MUCL3: variants seen among roughly 807,000 people sequenced by gnomAD.
MUCL3 encodes mucin-like protein 3.
In MUCL3, 42 loss-of-function variants were observed where a neutral mutation model predicts 70.2. The ratio of observed to expected loss-of-function variants is 0.60; its 90% CI spans 0.47 to 0.77. The LOEUF (loss-of-function observed/expected upper bound fraction) is 0.77, where lower values mean the gene tolerates loss of function less well. MUCL3 is among the 30% of genes least tolerant of loss of function. MUCL3 has a pLI of 0.00. For missense variants in MUCL3, 1,429 were observed against 1,670.0 expected (o/e 0.86, Z 2.52); for synonymous variants, 522 against 647.0 (o/e 0.81, Z 2.93).
Position 30,950,173 on chromosome 6 carries a change from A to C in MUCL3, c.1709A>C (p.Asn570Thr). 6.4e-7 allele frequency: 1 copy of C among 1,550,570 alleles called. No homozygotes were observed. The highest frequency in any genetic ancestry group is 8.7e-7 in the Non-Finnish European group (1 of 1,146,856). ...AATGGAGACAGGACTCCTTTGGCCA[A>C]TGAGAAGACCACGCCATCTCTAGCA... ...TENGDRTPLA[N>T]EKTTPSLAEP... Residue 570 changes from asparagine (N) to threonine (T), a missense_variant, in exon 2 of 3, where the codon AAT (asparagine) becomes ACT (threonine). Coordinates refer to ENST00000462446, the MANE Select transcript of MUCL3 (RefSeq NM_080870.4).
rs188928476 is a variant in MUCL3, at chr6:30,951,676, T to C, written c.3212T>C (p.Leu1071Ser). 17 of 1,550,836 alleles carry C rather than the reference T, an allele frequency of 1.1e-5. No homozygotes were observed. Among genetic ancestry groups the C allele is most frequent in the Non-Finnish European group, 1.4e-5 (16 of 1,146,800 alleles). ...ACAGAACATGGAGAAAAGACTACAT[T>C]GGCCAATGAGAAGATCACACTATCC... ...KPTEHGEKTT[L>S]ANEKITLSPE... is the part of the protein sequence containing the mutation. The change falls in exon 2 of 3, where the codon TTG (leucine) becomes TCG (serine). Residue 1071 changes from leucine to serine, a missense_variant. By Grantham distance (145) the Leu-to-Ser change is moderately radical. Transcript: ENST00000462446.
At chr6:30,944,282 CTCTCTT>C (rs1795700910) in intron 1 of MUCL3, among the ~76,000 whole-genome samples, 1 of 145,860 alleles carries the variant, frequency 6.9e-6, no homozygotes, top group Non-Finnish European at 1.5e-5. Flanking sequence ...CTTTCTCTGT[CTCTCTT>C]TCTTTCTTCT....
rs986884813 is a variant in MUCL3 at position 30,951,589 on chromosome 6, C to T, written c.3125C>T (p.Thr1042Ile). The change falls in exon 2 of 3, where the codon ACA becomes ATA. Residue 1042 changes from threonine (T) to isoleucine (I), a missense_variant. Thr to Ile is a moderately conservative substitution (Grantham distance 89). Transcript: ENST00000462446. ...ACCATACCATCTCCAGCAAAGCCTA[C>T]AGAACACGAAGAAATGACCCCATCG... ...EKTIPSPAKPTEHEEMTPSAN... is the reference protein window; with the variant it reads ...EKTIPSPAKPIEHEEMTPSAN... The T allele has an allele frequency of 4.5e-6, 7 of 1,542,836 alleles. No homozygotes were observed. In the Admixed American group the frequency reaches 7.9e-5, roughly 17 times the overall value.
At chr6:30,946,529 A>G (rs915731794) in intron 1 of MUCL3, among the ~76,000 whole-genome samples, 1 of 152,228 alleles carries the variant, frequency 6.6e-6, no homozygotes, top group Non-Finnish European at 1.5e-5. Flanking sequence ...GGCACAGTGA[A>G]AAGTCTAATT....
chr6:30,951,129 G>C lies in MUCL3; in HGVS notation c.2665G>C (p.Ala889Pro), dbSNP rs755148166. 9 of 1,551,110 alleles carry C rather than the reference G, an allele frequency of 5.8e-6. No individual in the cohort carries two copies. Among genetic ancestry groups the C allele is most frequent in the Non-Finnish European group, 7.8e-6 (9 of 1,146,936 alleles). ...PTEHEEMTPL[A>P]NEKTTLSPAE... ...AGAACATGAAGAAATGACCCCATTG[G>C]CCAATGAGAAGACCACACTATCCCC... The change falls in exon 2 of 3, where the codon GCC becomes CCC. Residue 889 changes from alanine (A) to proline (P), a missense_variant. By Grantham distance (27) the Ala-to-Pro change is conservative. Coordinates refer to ENST00000462446, the MANE Select transcript of MUCL3 (RefSeq NM_080870.4).
rs1393110748 is a variant in MUCL3 at position 30,952,460 on chromosome 6, T to C, written c.3996T>C (p.Ala1332=). ...AWAIVIVVLV[A]VILLLVFLGL... ...CCATAGTTATTGTGGTCCTGGTGGC[T>C]GTGATTCTCCTCCTGGTGTTCCTTG... is the stretch of plus-strand genomic sequence containing the variant. Residue 1332 remains alanine, a synonymous_variant, in exon 2 of 3, where the codon GCT becomes GCC. Coordinates refer to ENST00000462446, the MANE Select transcript of MUCL3 (RefSeq NM_080870.4). The C allele has an allele frequency of 4.3e-6, 7 of 1,610,512 alleles. No homozygotes were observed. Among genetic ancestry groups the C allele is most frequent in the Middle Eastern group, 3.3e-4 (2 of 6,044 alleles).
In MUCL3 at chr6:30,950,395, A is replaced by G. The variant is rs893705713; in HGVS notation, c.1931A>G (p.Asn644Ser). The G allele has an allele frequency of 8.4e-6, 13 of 1,550,334 alleles. No homozygotes were observed. The South Asian group carries it at 1.4e-4, about 17-fold the overall frequency. Residue 644 changes from asparagine (N) to serine (S), a missense_variant, in exon 2 of 3, where the codon AAT becomes AGT. Coordinates refer to ENST00000462446, the MANE Select transcript of MUCL3 (RefSeq NM_080870.4). ...CCATCCCCAGCAGGGCCTACAGAAA[A>G]TAGAGAAATGACAGCCAACGAGAAG... is the stretch of plus-strand genomic sequence containing the variant. Reference protein sequence around the residue: ...TTPSPAGPTENREMTANEKTT... With the variant: ...TTPSPAGPTESREMTANEKTT...
chr6:30,942,916 G>A (rs1218173224), intron 1 of MUCL3, among the ~76,000 whole-genome samples: 1 of 152,190 alleles, frequency 6.6e-6, no homozygotes, highest in Non-Finnish European at 1.5e-5. Context: ...ATGGAGGGAG[G>A]GGTGGGGAGG....
Position 30,951,316 on chromosome 6 carries a change from A to G in MUCL3, c.2852A>G (p.Asn951Ser), listed in dbSNP as rs1472803980. The G allele has an allele frequency of 1.3e-6, 2 of 1,550,192 alleles. No homozygotes were observed. Among genetic ancestry groups the G allele is most frequent in the Non-Finnish European group, 1.7e-6 (2 of 1,146,384 alleles). ...ACAGAACATGGAGAAAGGATAGCCA[A>G]TGAGAAGGCCACACCATCCCCAGCA... ...EPTEHGERIA[N>S]EKATPSPAKP... The change falls in exon 2 of 3, where the codon AAT (asparagine) becomes AGT (serine). Residue 951 changes from asparagine (N) to serine (S), a missense_variant. Asn to Ser is a conservative substitution (Grantham distance 46). Transcript: ENST00000462446.
chr6:30,945,769 A>G (rs1221838184), intron 1 of MUCL3, among the ~76,000 whole-genome samples: 3 of 152,194 alleles, frequency 2.0e-5, no homozygotes, highest in Non-Finnish European at 4.4e-5. Flanking sequence ...CCTGGCTAAC[A>G]CAGTGAAACC....
chr6:30,948,491 G>C (rs879122087), intron 1 of MUCL3, 56 bp from the exon 2 acceptor site: 1 of 1,340,530 alleles, frequency 7.5e-7, no homozygotes, highest in South Asian at 1.5e-5. Context: ...AGGTGGGAAG[G>C]GGGAGTTGGA....
In MUCL3 at chr6:30,951,144, A is replaced by G. The variant is rs56183479; in HGVS notation, c.2680A>G (p.Thr894Ala). ...GACCCCATTGGCCAATGAGAAGACC[A>G]CACTATCCCCAGCAGAGCCTACAGA... ...EMTPLANEKT[T>A]LSPAEPTENG... is the part of the protein sequence containing the mutation. Residue 894 changes from threonine to alanine, a missense_variant, in exon 2 of 3, where the codon ACA (threonine) becomes GCA (alanine). By Grantham distance (58) the Thr-to-Ala change is moderately conservative. Coordinates refer to ENST00000462446, the MANE Select transcript of MUCL3 (RefSeq NM_080870.4). The G allele has an allele frequency of 6.4e-7, 1 of 1,551,576 alleles. No homozygotes were observed. The highest frequency in any genetic ancestry group is 1.4e-5 in the African/African-American group (1 of 72,808).
rs533737343 is a variant in MUCL3, at chr6:30,950,555, A to G, written c.2091A>G (p.Ser697=). 6.4e-5 allele frequency: 99 copies of G among 1,550,684 alleles called. No individual in the cohort carries two copies. The highest frequency in any genetic ancestry group is 8.4e-5 in the Non-Finnish European group (96 of 1,146,786). ...CCAATGAGAAAACCACATCATCCTC[A>G]GCAGAGCCTACAGAACACGGAGAAA... is the stretch of plus-strand genomic sequence containing the variant. ...PFANEKTTSS[S]AEPTEHGERT... Residue 697 remains serine (S), a synonymous_variant, in exon 2 of 3, where the codon TCA becomes TCG. Coordinates refer to ENST00000462446, the MANE Select transcript of MUCL3 (RefSeq NM_080870.4).
At position 30,953,164 on chromosome 6, in the gene MUCL3, T is replaced by C; in HGVS notation, c.*47T>C. ...CTGGCTCTTCCATGCTCTGCCCCTT[T>C]CCTGGATGAGGAACCGGACTCACAA... is the stretch of plus-strand genomic sequence containing the variant. On this transcript the variant is annotated 3_prime_UTR_variant, in exon 3 of 3. Transcript: ENST00000462446. 6.3e-7 allele frequency: 1 copy of C among 1,598,730 alleles called. No individual in the cohort carries two copies. Among genetic ancestry groups the C allele is most frequent in the South Asian group, 1.1e-5 (1 of 88,876 alleles).
In MUCL3 at chr6:30,950,405, G is replaced by C. The variant is rs558596212; in HGVS notation, c.1941G>C (p.Met647Ile). ...SPAGPTENRE[M>I]TANEKTTLFP... Reference sequence around the variant, plus strand: ...CAGGGCCTACAGAAAATAGAGAAATGACAGCCAACGAGAAGACCACACTAT... The same window carrying C: ...CAGGGCCTACAGAAAATAGAGAAATCACAGCCAACGAGAAGACCACACTAT... Residue 647 changes from methionine to isoleucine, a missense_variant, in exon 2 of 3, where the codon ATG becomes ATC. Coordinates refer to ENST00000462446, the MANE Select transcript of MUCL3 (RefSeq NM_080870.4). The C allele has an allele frequency of 2.2e-4, 334 of 1,547,102 alleles. 11 individuals carry two copies. In the South Asian group the frequency reaches 3.3e-3, roughly 15 times the overall value.
intron 1 of MUCL3, among the ~76,000 whole-genome samples, chr6:30,942,674 C>T (rs563493831): frequency 3.3e-5 from 5 of 152,196 alleles, no homozygotes; most frequent in Non-Finnish European, 7.3e-5. Context: ...ACCTCCCGGC[C>T]CCATCTCTCC....
At position 30,951,149 on chromosome 6, in the gene MUCL3, A is replaced by C. The variant is rs1436803429; in HGVS notation, c.2685A>C (p.Leu895=). ...MTPLANEKTT[L]SPAEPTENGE... ...CATTGGCCAATGAGAAGACCACACTATCCCCAGCAGAGCCTACAGAAAATG... is the reference window on the plus strand; with the variant it reads ...CATTGGCCAATGAGAAGACCACACTCTCCCCAGCAGAGCCTACAGAAAATG... The change falls in exon 2 of 3, where the codon CTA becomes CTC. Residue 895 remains leucine, a synonymous_variant. Coordinates refer to ENST00000462446, the MANE Select transcript of MUCL3 (RefSeq NM_080870.4). 1.3e-6 allele frequency: 2 copies of C among 1,551,424 alleles called. No homozygotes were observed. The highest frequency in any genetic ancestry group is 8.7e-7 in the Non-Finnish European group (1 of 1,146,998).
intron 1 of MUCL3, among the ~76,000 whole-genome samples, chr6:30,948,214 G>A (rs565884178): frequency 3.9e-5 from 6 of 152,328 alleles, no homozygotes; most frequent in Admixed American, 1.3e-4. Context: ...AAGGTAACAG[G>A]ACAGAATGGT....
At chr6:30,942,276 CACTTAGTCAAGAAACGG>C (rs6149505) in intron 1 of MUCL3, among the ~76,000 whole-genome samples, 27,827 of 151,968 alleles carry the variant, frequency 0.18, 3,361 homozygotes, top group African/African-American at 0.34. Flanking sequence ...GAAATTAGTT[CACTTAGTCAAGAAACGG>C]ACTGCTACTG....
Sources: gnomAD v4.1 joint callset for allele counts (sites outside exome capture counted in the v4.1 genomes callset) on GRCh38, gnomAD v4.1.1 for gene constraint, MANE v1.5 for transcripts, NCBI Gene and HGNC (gene_info 2026-07-23, HGNC 2026-07-21) for gene names.